NT5C3A: variants seen among roughly 807,000 people sequenced by gnomAD.
NT5C3A encodes 5'-nucleotidase, cytosolic IIIA, also known as cytosolic 5'-nucleotidase 3A.
In NT5C3A, 23 loss-of-function variants were observed where a neutral mutation model predicts 40.0. The ratio of observed to expected loss-of-function variants is 0.58; its 90% CI spans 0.41 to 0.81. The LOEUF is 0.81. NT5C3A is among the 40% of genes least tolerant of loss of function. The probability of loss-of-function intolerance (pLI) is 0.00; values close to 1 mark genes in which losing one functional copy is unlikely to be tolerated. For synonymous variants in NT5C3A, 130 were observed against 141.4 expected (o/e 0.92, Z 0.57); for missense variants, 328 against 403.0 (o/e 0.81, Z 1.59).
intron 1 of NT5C3A, among the ~76,000 whole-genome samples, chr7:33,051,723 A>G (rs552480656): frequency 6.6e-6 from 1 of 152,228 alleles, no homozygotes; most frequent in African/African-American, 2.4e-5. Context: ...GATTCTAATA[A>G]TATTAATTTA....
intron 1 of NT5C3A, among the ~76,000 whole-genome samples, chr7:33,051,683 G>T (rs182601649): frequency 2.0e-5 from 3 of 151,924 alleles, no homozygotes; most frequent in South Asian, 4.2e-4. Flanking sequence ...TTTAATACAG[G>T]CTTATTTTAA....
rs1787273085 is a variant in NT5C3A at position 33,049,359 on chromosome 7, C to T, written c.138+13209G>A. Among the ~76,000 whole-genome samples the T allele has an allele frequency of 2.0e-5, 3 of 152,012 alleles. No individual in the cohort carries two copies. The South Asian group carries it at 6.2e-4, about 32-fold the overall frequency. On this transcript the variant is annotated intron_variant, in intron 1 of 8. Coordinates refer to ENST00000610140, the MANE Select transcript of NT5C3A (RefSeq NM_001002010.5). ...GTTTAGTATCTTGTCCAAGGATAAA[C>T]CATTAAAATGTGGCAGAGCTGAGAT...
chr7:33,048,709 G>A (rs1479377555), intron 1 of NT5C3A, among the ~76,000 whole-genome samples: 1 of 152,120 alleles, frequency 6.6e-6, no homozygotes, highest in African/African-American at 2.4e-5. Context: ...CAATGATTAT[G>A]GCAGGCATTC....
intron 2 of NT5C3A, among the ~76,000 whole-genome samples, chr7:33,025,296 A>G (rs1043629230): frequency 6.6e-6 from 1 of 152,226 alleles, no homozygotes; most frequent in Non-Finnish European, 1.5e-5. Flanking sequence ...AGTGGAAGCA[A>G]TTCAACTATA....
chr7:33,041,563 C>T (rs1018542159), intron 1 of NT5C3A, among the ~76,000 whole-genome samples: 3 of 151,998 alleles, frequency 2.0e-5, no homozygotes, highest in Non-Finnish European at 4.4e-5. Flanking sequence ...GGTCAAAAAA[C>T]TGTTAATAGT....
chr7:33,021,329 G>C lies in NT5C3A; in HGVS notation c.383C>G (p.Ala128Gly), dbSNP rs1273037523. The change falls in exon 5 of 9, where the codon GCT becomes GGT. Residue 128 changes from alanine (A) to glycine (G), a missense_variant. This residue lies in a region of NT5C3A where 280 missense variants were observed against 317.2 expected (regional missense o/e 0.88). Coordinates refer to ENST00000610140, the MANE Select transcript of NT5C3A (RefSeq NM_001002010.5). ...AGTAAGAACAGGATCAACTTCAATA[G>C]CGTAATATTTTTCCTTTAGTTGCAA... ...KLLQLKEKYYAIEVDPVLTVE... is the reference protein window; with the variant it reads ...KLLQLKEKYYGIEVDPVLTVE... 6.2e-7 allele frequency: 1 copy of C among 1,611,618 alleles called. No individual in the cohort carries two copies. Among genetic ancestry groups the C allele is most frequent in the Non-Finnish European group, 8.5e-7 (1 of 1,178,540 alleles).
intron 4 of NT5C3A, among the ~76,000 whole-genome samples, chr7:33,021,631 T>C (rs911129189): frequency 2.0e-5 from 3 of 152,142 alleles, no homozygotes; most frequent in Non-Finnish European, 4.4e-5. Context: ...CATATAAAGG[T>C]ATTAAATTTG....
chr7:33,030,916 G>A (rs1423807211), intron 1 of NT5C3A, among the ~76,000 whole-genome samples: 3 of 151,664 alleles, frequency 2.0e-5, no homozygotes, highest in African/African-American at 7.3e-5. Flanking sequence ...TGGCTAACAC[G>A]GTGAAACCCT....
chr7:33,057,004 G>C (rs1228110453), intron 1 of NT5C3A, among the ~76,000 whole-genome samples: 1 of 151,956 alleles, frequency 6.6e-6, no homozygotes, highest in Admixed American at 6.6e-5. Context: ...GTAGAGATGG[G>C]GTTTCTCCAT....
chr7:33,014,559 G>A lies in NT5C3A; in HGVS notation c.*171C>T. 1 of 917,042 alleles carries A rather than the reference G, an allele frequency of 1.1e-6. No homozygotes were observed. Among genetic ancestry groups the A allele is most frequent in the Non-Finnish European group, 1.7e-6 (1 of 595,512 alleles). 56.8% of individuals were successfully genotyped at this position (917,042 alleles called of 1,614,324 possible). On this transcript the variant is annotated 3_prime_UTR_variant, in exon 9 of 9. Transcript: ENST00000610140. ...CGGTGAGGAGTGTGTTGAGAGAGGT[G>A]GAGAAAAGGAGCTTCCAGTCAATGC...
At chr7:33,051,107 CTCTT>C (rs932670606) in intron 1 of NT5C3A, among the ~76,000 whole-genome samples, 3 of 152,152 alleles carry the variant, frequency 2.0e-5, no homozygotes, top group African/African-American at 7.2e-5. Flanking sequence ...ATATATCTCT[CTCTT>C]TAATAACTCT....
chr7:33,045,098 C>T (rs1787091927), intron 1 of NT5C3A, among the ~76,000 whole-genome samples: 1 of 152,150 alleles, frequency 6.6e-6, no homozygotes, highest in Admixed American at 6.5e-5. Context: ...TTGGATGACA[C>T]CCTAGGAAGT....
intron 1 of NT5C3A, chr7:33,045,692 C>A (rs980147373): frequency 2.0e-5 from 3 of 151,926 alleles, no homozygotes; most frequent in African/African-American, 7.3e-5. Flanking sequence ...CTCCTGACCT[C>A]ATGATCCGCC....
At chr7:33,032,599 G>A (rs911825994) in intron 1 of NT5C3A, among the ~76,000 whole-genome samples, 17 of 151,366 alleles carry the variant, frequency 1.1e-4, no homozygotes, top group African/African-American at 3.6e-4. Context: ...GGGACTACAG[G>A]GGCTCACCAC....
At chr7:33,035,284 C>G (rs772490853) in intron 1 of NT5C3A, among the ~76,000 whole-genome samples, 13 of 148,670 alleles carry the variant, frequency 8.7e-5, no homozygotes, top group Non-Finnish European at 1.9e-4. Context: ...ACCTTCGCCT[C>G]CTGGGTTCAA....
At chr7:33,016,133 T>C (rs1785313265) in intron 7 of NT5C3A, among the ~76,000 whole-genome samples, 1 of 151,978 alleles carries the variant, frequency 6.6e-6, no homozygotes, top group Non-Finnish European at 1.5e-5. Context: ...CCCAGCACTT[T>C]GGGAGGCCAA....
At chr7:33,042,304 C>T (rs1786958979) in intron 1 of NT5C3A, among the ~76,000 whole-genome samples, 1 of 151,500 alleles carries the variant, frequency 6.6e-6, no homozygotes, top group South Asian at 2.1e-4. Flanking sequence ...CACTCCAGCC[C>T]AGGCAACAAG....
Position 33,062,734 on chromosome 7 carries a change from G to T in NT5C3A, c.-29C>A. ...CGGGGCCCTCATGCGCGTCCAAGCA[G>T]GAAAAAAACAGGCAGCTCGCGTAGA... is the stretch of plus-strand genomic sequence containing the variant. On this transcript the variant is annotated 5_prime_UTR_variant, in exon 1 of 9. It adds an upstream start codon to the 5' untranslated region. Transcript: ENST00000610140. The T allele has an allele frequency of 6.4e-7, 1 of 1,551,688 alleles. No homozygotes were observed.
At chr7:33,037,616 A>G (rs1174538362) in intron 1 of NT5C3A, among the ~76,000 whole-genome samples, 2 of 152,164 alleles carry the variant, frequency 1.3e-5, no homozygotes, top group Non-Finnish European at 2.9e-5. Context: ...TGAAATTACA[A>G]AATGTCTTTT....
Sources: gnomAD v4.1 joint callset for allele counts (sites outside exome capture counted in the v4.1 genomes callset) on GRCh38, gnomAD v4.1.1 for gene constraint, gnomAD v4.1.1 regional missense constraint, MANE v1.5 for transcripts, NCBI Gene and HGNC (gene_info 2026-07-23, HGNC 2026-07-21) for gene names.